Variants in ERICH3 observed in about 807,000 individuals in gnomAD.
ERICH3 encodes the protein glutamate-rich protein 3.
In ERICH3, 126 loss-of-function variants were observed where a neutral mutation model predicts 131.1. The ratio of observed to expected loss-of-function variants is 0.96; its 90% CI spans 0.83 to 1.11. ERICH3 has a LOEUF of 1.11. ERICH3 is among the 50% of genes most tolerant of loss of function. The pLI, the probability that ERICH3 is intolerant of heterozygous loss-of-function variation, is 0.00. For synonymous variants in ERICH3, 695 were observed against 644.6 expected (o/e 1.08, Z -1.18); for missense variants, 2,050 against 1,810.7 (o/e 1.13, Z -2.40).
chr1:74,574,265 G>T (rs2100518535), intron 13 of ERICH3, among the ~76,000 whole-genome samples: 1 of 152,194 alleles, frequency 6.6e-6, no homozygotes, highest in Non-Finnish European at 1.5e-5. Flanking sequence ...GATTACAGGT[G>T]TGGGCCACTG....
intron 11 of ERICH3, among the ~76,000 whole-genome samples, chr1:74,595,783 G>A (rs1207852650): frequency 6.6e-6 from 1 of 152,030 alleles, no homozygotes; most frequent in Non-Finnish European, 1.5e-5. Flanking sequence ...TTCACCTGAA[G>A]TTATGCCTTC....
chr1:74,618,026 C>T lies in ERICH3; in HGVS notation c.1000+2708G>A, dbSNP rs79553501. 3.0e-3 allele frequency among the ~76,000 whole-genome samples: 457 copies of T among 152,168 alleles called. 1 individual carries two copies. Among genetic ancestry groups the T allele is most frequent in the African/African-American group, 0.01 (417 of 41,522 alleles). On this transcript the variant is annotated intron_variant, in intron 8 of 14. Transcript: ENST00000326665. The stretch of plus-strand genomic sequence containing the variant: ...ACTGGGCAACATAGCAAGACCCTAT[C>T]TCTATAAAAAATATTTAAAAATTAG...
intron 1 of ERICH3, among the ~76,000 whole-genome samples, chr1:74,669,482 C>T (rs1019043729): frequency 9.2e-5 from 14 of 152,120 alleles, no homozygotes; most frequent in African/African-American, 3.4e-4. Context: ...GGATATAAAA[C>T]CACCATTCCA....
At chr1:74,647,373 C>A (rs1834189) in intron 2 of ERICH3, among the ~76,000 whole-genome samples, 76,695 of 151,832 alleles carry the variant, frequency 0.51, 19,939 homozygotes, top group African/African-American at 0.56. Context: ...TTTAAAAATA[C>A]TTGGTTTCAT....
intron 13 of ERICH3, among the ~76,000 whole-genome samples, chr1:74,576,058 A>C (rs920159408): frequency 6.6e-6 from 1 of 152,148 alleles, no homozygotes; most frequent in Non-Finnish European, 1.5e-5. Context: ...CTGGGTAAAA[A>C]ACGCCAGCTC....
chr1:74,641,180 A>T, intron 5 of ERICH3, 151 bp downstream of exon 5: 1 of 855,988 alleles, frequency 1.2e-6, no homozygotes, highest in South Asian at 1.9e-5. Flanking sequence ...TTCAGAAGAG[A>T]CAGAGTTGAA....
In ERICH3 at chr1:74,572,898, C is replaced by G. The variant is rs146897494; in HGVS notation, c.2812G>C (p.Ala938Pro). 8.1e-6 allele frequency: 13 copies of G among 1,613,984 alleles called. No homozygotes were observed. The highest frequency in any genetic ancestry group is 3.3e-5 in the Admixed American group (2 of 60,016). ...SEEGEAEGGV[A>P]VSDVGESEEE... is the part of the protein sequence containing the mutation. Reference sequence around the variant, plus strand: ...TCACTTTCTCCGACATCACTCACAGCCACCCCACCCTCAGCCTCTCCCTCC... The same window carrying G: ...TCACTTTCTCCGACATCACTCACAGGCACCCCACCCTCAGCCTCTCCCTCC... Residue 938 changes from alanine (A) to proline (P), a missense_variant, in exon 14 of 15, where the codon GCT becomes CCT. Transcript: ENST00000326665.
intron 12 of ERICH3, among the ~76,000 whole-genome samples, chr1:74,588,397 T>C (rs1265498926): frequency 6.6e-6 from 1 of 152,156 alleles, no homozygotes. Context: ...ACATTTTTTA[T>C]TGACTATGGT....
At position 74,588,382 on chromosome 1, in the gene ERICH3, C is replaced by T. The variant is rs147711694; in HGVS notation, c.2176+1249G>A. ...CAGCAAGTTATGAGAGAAACTCTGTCTTACACATTTTTTATTGACTATGGT... is the reference window on the plus strand; with the variant it reads ...CAGCAAGTTATGAGAGAAACTCTGTTTTACACATTTTTTATTGACTATGGT... On this transcript the variant is annotated intron_variant, in intron 12 of 14. Transcript: ENST00000326665. Among the ~76,000 whole-genome samples, 1,100 of 152,212 alleles carry T rather than the reference C, an allele frequency of 7.2e-3. 12 individuals are homozygous for T. Among genetic ancestry groups the T allele is most frequent in the African/African-American group, 0.025 (1,025 of 41,530 alleles).
At chr1:74,638,478 G>A (rs571108534) in intron 5 of ERICH3, among the ~76,000 whole-genome samples, 1 of 152,172 alleles carries the variant, frequency 6.6e-6, no homozygotes, top group African/African-American at 2.4e-5. Flanking sequence ...TTATCCCAAT[G>A]GTAAACAAGA....
At chr1:74,594,273 C>T (rs942534025) in intron 11 of ERICH3, among the ~76,000 whole-genome samples, 17 of 144,788 alleles carry the variant, frequency 1.2e-4, no homozygotes, top group Admixed American at 5.5e-4. Flanking sequence ...AAAAATGGGG[C>T]GTGTGTGTGT....
Position 74,571,148 on chromosome 1 carries a change from G to T in ERICH3, c.4562C>A (p.Ala1521Glu). ...CTGCACGTTGTTGGGGGAAACATCT[G>T]CAGTCTCGCTTTCTCCTTGCACCAT... ...QHMVQGESETADVSPNNVQV is the reference protein window; with the variant it reads ...QHMVQGESETEDVSPNNVQV Residue 1521 changes from alanine to glutamate, a missense_variant, in exon 14 of 15, where the codon GCA becomes GAA. By Grantham distance (107) the Ala-to-Glu change is moderately radical (BLOSUM62 -1). Transcript: ENST00000326665. The T allele has an allele frequency of 6.2e-7, 1 of 1,613,898 alleles. No individual in the cohort carries two copies. Among genetic ancestry groups the T allele is most frequent in the Admixed American group, 1.7e-5 (1 of 60,026 alleles).
chr1:74,572,023 G>A lies in ERICH3; in HGVS notation c.3687C>T (p.Ala1229=), dbSNP rs199991443. The A allele has an allele frequency of 6.8e-6, 11 of 1,613,966 alleles. No homozygotes were observed. Among genetic ancestry groups the A allele is most frequent in the Non-Finnish European group, 9.3e-6 (11 of 1,180,034 alleles). ...CTGTGGCTGGGATCAGCCCCTCAGG[G>A]GCCTGCACCTTTCCTGCTGGCTCAG... ...PEAEPAGKVQ[A]PEGLIPATGQ... Residue 1229 remains alanine (A), a synonymous_variant, in exon 14 of 15, where the codon GCC becomes GCT. Coordinates refer to ENST00000326665, the MANE Select transcript of ERICH3 (RefSeq NM_001002912.5).
intron 8 of ERICH3, among the ~76,000 whole-genome samples, chr1:74,613,467 C>CT (rs1384406185): frequency 6.6e-6 from 1 of 152,178 alleles, no homozygotes; most frequent in Admixed American, 6.5e-5. Flanking sequence ...ATGCCTCTAT[C>CT]TTGCTATGCT....
chr1:74,625,858 G>A (rs923181619), intron 7 of ERICH3: 1 of 152,142 alleles, frequency 6.6e-6, no homozygotes, highest in African/African-American at 2.4e-5. Flanking sequence ...AGGTACATGA[G>A]CCACTGTTCA....
In ERICH3 at chr1:74,569,962, T is replaced by G. The variant is rs1644379123; in HGVS notation, c.*496A>C. The G allele has an allele frequency of 6.6e-6, 1 of 152,168 alleles. No individual in the cohort carries two copies. Among genetic ancestry groups the G allele is most frequent in the South Asian group, 2.1e-4 (1 of 4,828 alleles). 9.4% of individuals were successfully genotyped at this position (152,168 alleles called of 1,614,324 possible). On this transcript the variant is annotated 3_prime_UTR_variant, in exon 15 of 15. Transcript: ENST00000326665. Reference sequence around the variant, plus strand: ...GTTTTGAGTGTACGTGGGAGGAAATTTAGAGCTCATTTTCACAGGCCAATT... The same window carrying G: ...GTTTTGAGTGTACGTGGGAGGAAATGTAGAGCTCATTTTCACAGGCCAATT...
intron 12 of ERICH3, among the ~76,000 whole-genome samples, chr1:74,580,618 G>T (rs1227515755): frequency 1.3e-5 from 2 of 152,160 alleles, no homozygotes; most frequent in African/African-American, 4.8e-5. Context: ...TTTAGTAATT[G>T]AAAAGTGGTG....
Position 74,660,704 on chromosome 1 carries a change from G to A in ERICH3, c.24-11389C>T, listed in dbSNP as rs188661728. 7.6e-4 allele frequency among the ~76,000 whole-genome samples: 113 copies of A among 148,982 alleles called. 1 individual carries two copies. In the East Asian group the frequency reaches 0.021, roughly 27 times the overall value. ...TATATATAATATATATATTATGTGT[G>A]TATATATACATATACACATAAATAC... On this transcript the variant is annotated intron_variant, in intron 1 of 14. Transcript: ENST00000326665.
In ERICH3 at chr1:74,633,775, C is replaced by T. The variant is rs188173768; in HGVS notation, c.604-1847G>A. On this transcript the variant is annotated intron_variant, in intron 6 of 14. Transcript: ENST00000326665. ...ATATTGTGTATTCCTAGGATAAATTCCTACATGTTAAAATGCTTGAGCATG... is the reference window on the plus strand; with the variant it reads ...ATATTGTGTATTCCTAGGATAAATTTCTACATGTTAAAATGCTTGAGCATG... Among the ~76,000 whole-genome samples, 664 of 152,026 alleles carry T rather than the reference C, an allele frequency of 4.4e-3. 3 individuals are homozygous for T. Among genetic ancestry groups the T allele is most frequent in the African/African-American group, 0.015 (628 of 41,520 alleles).
Sources: allele counts gnomAD v4.1 joint callset (sites outside exome capture counted in the v4.1 genomes callset), GRCh38; gene constraint gnomAD v4.1.1; transcripts MANE v1.5; gene names NCBI Gene and HGNC (gene_info 2026-07-23, HGNC 2026-07-21).